CCDC170: variants seen among roughly 807,000 people sequenced by gnomAD.
The protein encoded by CCDC170 is coiled-coil domain containing 170.
Under a neutral mutation model 72.6 loss-of-function variants are expected in CCDC170, and 69 were observed. The ratio of observed to expected loss-of-function variants is 0.95; its 90% CI spans 0.78 to 1.16. CCDC170 has a LOEUF of 1.16. Ranked by LOEUF, CCDC170 falls within the 50% of genes most tolerant of loss-of-function variation. The pLI is 0.00. For synonymous variants in CCDC170, 300 were observed against 303.9 expected (o/e 0.99, Z 0.13); for missense variants, 852 against 832.5 (o/e 1.02, Z -0.29).
At chr6:151,505,650 C>G (rs1277517628) in intron 1 of CCDC170, among the ~76,000 whole-genome samples, 3 of 151,766 alleles carry the variant, frequency 2.0e-5, no homozygotes, top group Non-Finnish European at 4.4e-5. Context: ...CACCACTGCA[C>G]TAGAGCCCAG....
chr6:151,604,175 T>C (rs1383639140), intron 9 of CCDC170, among the ~76,000 whole-genome samples: 1 of 152,164 alleles, frequency 6.6e-6, no homozygotes, highest in African/African-American at 2.4e-5. Context: ...TAACTCTCTT[T>C]ATATCTCCCA....
intron 4 of CCDC170, among the ~76,000 whole-genome samples, chr6:151,545,730 G>A (rs57345446): frequency 6.6e-6 from 1 of 151,930 alleles, no homozygotes; most frequent in Non-Finnish European, 1.5e-5. Flanking sequence ...GACTTCTTGG[G>A]CTCAAGTGAT....
At chr6:151,607,057 A>G (rs2115134324) in intron 9 of CCDC170, among the ~76,000 whole-genome samples, 1 of 152,272 alleles carries the variant, frequency 6.6e-6, no homozygotes, top group South Asian at 2.1e-4. Flanking sequence ...AAATCCATTT[A>G]GCCACTAATT....
chr6:151,545,129 C>T (rs1782751609), intron 4 of CCDC170, among the ~76,000 whole-genome samples: 1 of 152,010 alleles, frequency 6.6e-6, no homozygotes, highest in Non-Finnish European at 1.5e-5. Context: ...TACATTAAAA[C>T]CAAATAGTGG....
chr6:151,575,520 T>A (rs1776288745), intron 6 of CCDC170, among the ~76,000 whole-genome samples: 1 of 87,884 alleles, frequency 1.1e-5, no homozygotes, highest in African/African-American at 4.2e-5. Flanking sequence ...TCTTTTCTTT[T>A]CTTTCTTTTT....
At chr6:151,604,272 T>C (rs1776752322) in intron 9 of CCDC170, among the ~76,000 whole-genome samples, 1 of 152,168 alleles carries the variant, frequency 6.6e-6, no homozygotes, top group South Asian at 2.1e-4. Flanking sequence ...TTTTTTCCCC[T>C]GAGCTCCCAT....
chr6:151,588,177 A>C (rs1359446287), intron 7 of CCDC170, among the ~76,000 whole-genome samples: 1 of 152,190 alleles, frequency 6.6e-6, no homozygotes, highest in Non-Finnish European at 1.5e-5. Context: ...GATTTCCCTC[A>C]AGTCAGACTC....
In CCDC170 at chr6:151,614,850, A is replaced by G. The variant is rs369477523; in HGVS notation, c.1711-593A>G. 2.0e-4 allele frequency among the ~76,000 whole-genome samples: 30 copies of G among 152,224 alleles called. No individual in the cohort carries two copies. In the South Asian group the frequency reaches 6.2e-3, roughly 32 times the overall value. ...CCAGCATACTGTGTGTTTTGGCTTTAAGATCTTGGGACAGCTTCTCAGAGG... is the reference window on the plus strand; with the variant it reads ...CCAGCATACTGTGTGTTTTGGCTTTGAGATCTTGGGACAGCTTCTCAGAGG... On this transcript the variant is annotated intron_variant, in intron 9 of 10. Transcript: ENST00000239374.
chr6:151,514,397 A>G (rs143390228), intron 1 of CCDC170, among the ~76,000 whole-genome samples: 2,500 of 113,494 alleles, frequency 0.022, 156 homozygotes, highest in East Asian at 0.11. Flanking sequence ...GGAAGGAAGG[A>G]AGGGAGGGAA....
At position 151,548,923 on chromosome 6, in the gene CCDC170, C is replaced by T. The variant is rs528322118; in HGVS notation, c.774+434C>T. On this transcript the variant is annotated intron_variant, in intron 5 of 10. Transcript: ENST00000239374. ...GTTTGTTTGTTTTTTTTGTTTTGGA[C>T]GGAGTCTCACTCTGTCACCCATGCT... is the stretch of plus-strand genomic sequence containing the variant. 5.7e-4 allele frequency among the ~76,000 whole-genome samples: 85 copies of T among 149,934 alleles called. 1 individual carries two copies. In the South Asian group the frequency reaches 0.017, roughly 31 times the overall value.
At chr6:151,508,751 C>T (rs1782100265) in intron 1 of CCDC170, among the ~76,000 whole-genome samples, 1 of 150,290 alleles carries the variant, frequency 6.7e-6, no homozygotes, top group Non-Finnish European at 1.5e-5. Context: ...CGTGGTGGCT[C>T]ACGCCTGTAA....
intron 9 of CCDC170, among the ~76,000 whole-genome samples, chr6:151,609,284 A>G (rs760467246): frequency 6.6e-6 from 1 of 152,134 alleles, no homozygotes; most frequent in Non-Finnish European, 1.5e-5. Flanking sequence ...CGGGCCATCA[A>G]AAGAATCTCC....
chr6:151,568,850 T>C (rs1027995788), intron 5 of CCDC170, among the ~76,000 whole-genome samples: 13 of 152,240 alleles, frequency 8.5e-5, no homozygotes, highest in Non-Finnish European at 1.8e-4. Flanking sequence ...AGAATATTCA[T>C]GTAGTATGTT....
chr6:151,615,604 C>T lies in CCDC170; in HGVS notation c.1872C>T (p.Asn624=), dbSNP rs1562301175. Residue 624 remains asparagine (N), a synonymous_variant, in exon 10 of 11, where the codon AAC becomes AAT. Coordinates refer to ENST00000239374, the MANE Select transcript of CCDC170 (RefSeq NM_025059.4). ...AGGAGAATAAAGAAAGGGCCAGAAA[C>T]ATGATAGAAGTGGTAACCAGTGAAA... The part of the protein sequence containing the change: ...EAKENKERAR[N]MIEVVTSEMK... 1.2e-6 allele frequency: 2 copies of T among 1,614,016 alleles called. No individual in the cohort carries two copies. The highest frequency in any genetic ancestry group is 4.5e-5 in the East Asian group (2 of 44,844).
chr6:151,554,485 G>A (rs1330111705), intron 5 of CCDC170, among the ~76,000 whole-genome samples: 2 of 152,122 alleles, frequency 1.3e-5, no homozygotes. Context: ...AGCACTTTGG[G>A]AGGCCAAGGC....
chr6:151,562,069 A>T (rs1417863767), intron 5 of CCDC170, among the ~76,000 whole-genome samples: 1 of 152,082 alleles, frequency 6.6e-6, no homozygotes, highest in African/African-American at 2.4e-5. Context: ...AATTTGAGCA[A>T]TTCTATTTGT....
chr6:151,496,524 G>A (rs745870455), intron 1 of CCDC170, among the ~76,000 whole-genome samples: 3 of 152,188 alleles, frequency 2.0e-5, no homozygotes, highest in Non-Finnish European at 4.4e-5. Context: ...TTATAATTTA[G>A]ATAGGCGGGG....
intron 1 of CCDC170, among the ~76,000 whole-genome samples, chr6:151,514,335 AGGAGGGAGGGAGGGAGGGAG>A (rs560525371): frequency 2.3e-4 from 15 of 65,378 alleles, no homozygotes; most frequent in Admixed American, 1.3e-3. Flanking sequence ...AAAGGAAGGA[AGGAGGGAGGGAGGGAGGGAG>A]GGAGGGAGGG....
intron 10 of CCDC170, among the ~76,000 whole-genome samples, chr6:151,616,463 A>AT (rs1231735658): frequency 7.2e-4 from 109 of 150,576 alleles, no homozygotes; most frequent in Middle Eastern, 3.4e-3. Context: ...TGATCCTAGG[A>AT]TTTTTTTTTC....
Sources: allele counts gnomAD v4.1 joint callset (sites outside exome capture counted in the v4.1 genomes callset), GRCh38; gene constraint gnomAD v4.1.1; transcripts MANE v1.5; gene names NCBI Gene and HGNC (gene_info 2026-07-23, HGNC 2026-07-21).